Variants in SH3GLB2 observed in about 807,000 individuals in gnomAD.
SH3GLB2 encodes endophilin-B2.
Under a neutral mutation model 48.0 loss-of-function variants are expected in SH3GLB2, and 24 were observed. That is an observed-to-expected ratio of 0.50 (90% CI 0.36 to 0.70). SH3GLB2 has a LOEUF of 0.70. SH3GLB2 is among the 30% of genes least tolerant of loss of function. The probability of loss-of-function intolerance (pLI) is 0.00; values close to 1 mark genes in which losing one functional copy is unlikely to be tolerated. For synonymous variants in SH3GLB2, 227 were observed against 207.6 expected (o/e 1.09, Z -0.80); for missense variants, 425 against 516.0 (o/e 0.82, Z 1.71).
In SH3GLB2 at chr9:129,014,585, G is replaced by C; in HGVS notation, c.469-82C>G. On this transcript the variant is annotated intron_variant, in intron 4 of 10. Transcript: ENST00000372564. This position sits in a 1 kb window ranked among gnomAD's most constrained non-coding sequence, Gnocchi z 4.1. ...CCATGCATGGCAAGATTGGTGCCGGGGACGATCAAGTCAAGATAGGGAAAC... is the reference window on the plus strand; with the variant it reads ...CCATGCATGGCAAGATTGGTGCCGGCGACGATCAAGTCAAGATAGGGAAAC... 1 of 1,496,734 alleles carries C rather than the reference G, an allele frequency of 6.7e-7. No homozygotes were observed. Among genetic ancestry groups the C allele is most frequent in the Non-Finnish European group, 9.1e-7 (1 of 1,095,754 alleles). The allele number at this position is 1,496,734 out of a possible 1,614,324, so 92.7% of individuals were successfully genotyped here.
At chr9:129,025,235 C>A (rs1844077204) in intron 1 of SH3GLB2, among the ~76,000 whole-genome samples, 1 of 137,958 alleles carries the variant, frequency 7.2e-6, no homozygotes, top group East Asian at 2.1e-4. Flanking sequence ...GAGACTGCGC[C>A]AGCCTGCGTG....
rs2131256716 is a variant in SH3GLB2, at chr9:129,014,807, C to T, written c.432G>A (p.Leu144=). 1.2e-6 allele frequency: 2 copies of T among 1,613,850 alleles called. No individual in the cohort carries two copies. The highest frequency in any genetic ancestry group is 1.7e-6 in the Non-Finnish European group (2 of 1,179,972). ...TCCAGTCCCCCTCCAGGAAGTTGCG[C>T]AAGGGTGTGAGGAAGCTGATGGAGG... is the stretch of plus-strand genomic sequence containing the variant. ...HTASISFLTP[L]RNFLEGDWKT... The change falls in exon 4 of 11, where the codon TTG becomes TTA. Residue 144 remains leucine (L), a synonymous_variant. Coordinates refer to ENST00000372564, the MANE Select transcript of SH3GLB2 (RefSeq NM_020145.4). The surrounding 1 kb of genome is among the most constrained non-coding windows in gnomAD (Gnocchi z 4.1).
intron 3 of SH3GLB2, among the ~76,000 whole-genome samples, chr9:129,017,132 T>C (rs1461244007): frequency 6.6e-6 from 1 of 151,908 alleles, no homozygotes; most frequent in African/African-American, 2.4e-5. Flanking sequence ...GTATTTTTAG[T>C]AGAGACAGGA....
At chr9:129,008,844 C>A in intron 10 of SH3GLB2, 53 bp from the exon 11 acceptor site, 1 of 1,538,236 alleles carries the variant, frequency 6.5e-7, no homozygotes, top group Non-Finnish European at 9.0e-7. Flanking sequence ...GTGGAACTGG[C>A]CCCAGGACTA....
Position 129,010,179 on chromosome 9 carries a change from C to T in SH3GLB2, c.679G>A (p.Glu227Lys). The change falls in exon 8 of 11, where the codon GAG becomes AAG. Residue 227 changes from glutamate to lysine, a missense_variant. Transcript: ENST00000372564. Reference sequence around the variant, plus strand: ...GTCACTTCTGCTTGCCGGTCAAACTCTGTCTGGGCCACGCGGAGCTCCTGC... The same window carrying T: ...GTCACTTCTGCTTGCCGGTCAAACTTTGTCTGGGCCACGCGGAGCTCCTGC... ...AEQELRVAQT[E>K]FDRQAEVTRL... The T allele has an allele frequency of 1.9e-6, 3 of 1,614,012 alleles. No homozygotes were observed. Among genetic ancestry groups the T allele is most frequent in the Non-Finnish European group, 2.5e-6 (3 of 1,179,956 alleles).
chr9:129,013,429 G>A lies in SH3GLB2; in HGVS notation c.561+982C>T, dbSNP rs148572665. 628 of 249,360 alleles carry A rather than the reference G, an allele frequency of 2.5e-3. 1 individual carries two copies. The highest frequency in any genetic ancestry group is 4.5e-3 in the Middle Eastern group (3 of 664). The allele number at this position is 249,360 out of a possible 1,614,324, so 15.4% of individuals were successfully genotyped here. On this transcript the variant is annotated intron_variant, in intron 5 of 10. Transcript: ENST00000372564. The stretch of plus-strand genomic sequence containing the variant: ...GACGGTGTCTGGCCCGAAGTGACGG[G>A]GGAGACTGTCCTGTTCAGGTGCCTT...
At chr9:129,012,934 G>A in intron 5 of SH3GLB2, 1 of 1,540,998 alleles carries the variant, frequency 6.5e-7, no homozygotes, top group Non-Finnish European at 8.8e-7. Flanking sequence ...ACGTGGGCTG[G>A]CCATGGCACC....
rs767499612 is a variant in SH3GLB2 at position 129,028,142 on chromosome 9, T to C, written c.13A>G (p.Met5Val). MDFN[M>V]KKLASDAGIF... ...CCCGCGTCCGACGCCAGCTTCTTCA[T>C]GTTGAAGTCCATGGCGTGCCCGCAC... The change falls in exon 1 of 11, where the codon ATG becomes GTG. Residue 5 changes from methionine to valine, a missense_variant. Transcript: ENST00000372564. 3 of 1,492,730 alleles carry C rather than the reference T, an allele frequency of 2.0e-6. No individual in the cohort carries two copies. In the South Asian group the frequency reaches 3.8e-5, roughly 19 times the overall value. 92.5% of individuals were successfully genotyped at this position (1,492,730 alleles called of 1,614,324 possible). A position where few individuals can be genotyped will look rare whatever the true frequency, so the allele number is the denominator to read the frequency against.
At chr9:129,019,708 C>CAAA (rs1216460109) in intron 3 of SH3GLB2, among the ~76,000 whole-genome samples, 1 of 57,872 alleles carries the variant, frequency 1.7e-5, no homozygotes, top group Non-Finnish European at 3.5e-5. Flanking sequence ...GACTCTGCCT[C>CAAA]AAAAAAAAAA....
At position 129,009,880 on chromosome 9, in the gene SH3GLB2, A is replaced by T. The variant is rs1349313593; in HGVS notation, c.739-9T>A. The T allele has an allele frequency of 6.2e-7, 1 of 1,611,770 alleles. No homozygotes were observed. Among genetic ancestry groups the T allele is most frequent in the East Asian group, 2.2e-5 (1 of 44,808 alleles). On this transcript the variant is annotated splice_polypyrimidine_tract_variant and intron_variant, in intron 8 of 10. Transcript: ENST00000372564. ...CAGCGCAGGTGGTTCACCTGCGGGG[A>T]AGAGGCCAGAGGCTGACTTCTAACC...
rs1843344467 is a variant in SH3GLB2, at chr9:129,014,981, G to A, written c.335-77C>T. ...TGATCTACAGGAGAGGGCTCAGGAA[G>A]AGCTTGCTGAAGAGCAAGGGCCGGG... On this transcript the variant is annotated intron_variant, in intron 3 of 10. Transcript: ENST00000372564. The surrounding 1 kb of genome is among the most constrained non-coding windows in gnomAD (Gnocchi z 4.1). 1 of 1,543,674 alleles carries A rather than the reference G, an allele frequency of 6.5e-7. No individual in the cohort carries two copies. Among genetic ancestry groups the A allele is most frequent in the African/African-American group, 1.4e-5 (1 of 72,560 alleles).
chr9:129,018,449 T>C (rs1055955289), intron 3 of SH3GLB2, among the ~76,000 whole-genome samples: 3 of 146,748 alleles, frequency 2.0e-5, no homozygotes, highest in South Asian at 2.2e-4. Flanking sequence ...TGGTGGCGGG[T>C]GCCTGTAATC....
rs372981598 is a variant in SH3GLB2, at chr9:129,025,767, C to T, written c.63+2325G>A. 1.9e-4 allele frequency among the ~76,000 whole-genome samples: 28 copies of T among 144,668 alleles called. 1 individual carries two copies. The Middle Eastern group carries it at 0.014, about 72-fold the overall frequency. The allele number at this position is 144,668 out of a possible 152,430, so 94.9% of individuals were successfully genotyped here. A position where few individuals can be genotyped will look rare whatever the true frequency, so the allele number is the denominator to read the frequency against. On this transcript the variant is annotated intron_variant, in intron 1 of 10. Transcript: ENST00000372564. ...CCTTACCAAGGTTCAGAGCAGCACT[C>T]CCCACCCCGCCCTCCCTTACAGGCC... is the stretch of plus-strand genomic sequence containing the variant.
chr9:129,019,425 G>GC (rs1314527486), intron 3 of SH3GLB2, among the ~76,000 whole-genome samples: 1 of 151,588 alleles, frequency 6.6e-6, no homozygotes, highest in East Asian at 1.9e-4. Flanking sequence ...AATAAGTTTG[G>GC]CTGGGCGCAG....
chr9:129,021,038 G>A (rs1843761078), intron 3 of SH3GLB2, 53 bp downstream of exon 3: 1 of 1,406,186 alleles, frequency 7.1e-7, no homozygotes, highest in East Asian at 2.6e-5. Context: ...GAGGGAGGGA[G>A]AATCAGAGCT....
chr9:129,013,730 A>C, intron 5 of SH3GLB2: 1 of 208,034 alleles, frequency 4.8e-6, no homozygotes, highest in East Asian at 1.4e-4. Flanking sequence ...TCCCTCTGCA[A>C]GGTATGAGGC....
Position 129,014,450 on chromosome 9 carries a change from C to T in SH3GLB2, c.522G>A (p.Ala174=), listed in dbSNP as rs923534775. The T allele has an allele frequency of 1.7e-5, 26 of 1,550,568 alleles. No individual in the cohort carries two copies. Among genetic ancestry groups the T allele is most frequent in the African/African-American group, 4.1e-5 (3 of 73,026 alleles). ...CTGCAGCCTTGGCCTTCTTCAGCCT[C>T]GCTTTGCAGGCATCCAAGTCCAGAC... ...NRRLDLDACK[A]RLKKAKAAEA... Residue 174 remains alanine, a synonymous_variant, in exon 5 of 11, where the codon GCG becomes GCA. Coordinates refer to ENST00000372564, the MANE Select transcript of SH3GLB2 (RefSeq NM_020145.4). This position sits in a 1 kb window ranked among gnomAD's most constrained non-coding sequence, Gnocchi z 4.1.
chr9:129,013,661 C>T (rs547418301), intron 5 of SH3GLB2: 10 of 190,638 alleles, frequency 5.2e-5, no homozygotes, highest in East Asian at 1.5e-4. Context: ...TGGCCTCCCT[C>T]GGCTAATCAG....
At chr9:129,021,816 G>A (rs894927305) in intron 2 of SH3GLB2, among the ~76,000 whole-genome samples, 2 of 151,926 alleles carry the variant, frequency 1.3e-5, no homozygotes, top group African/African-American at 4.8e-5. Context: ...AAAATTAGCT[G>A]GGCGTGGTGG....
Sources: allele counts gnomAD v4.1 joint callset (sites outside exome capture counted in the v4.1 genomes callset), GRCh38; gene constraint gnomAD v4.1.1; non-coding constraint Gnocchi (gnomAD v3.1); transcripts MANE v1.5; gene names NCBI Gene and HGNC (gene_info 2026-07-23, HGNC 2026-07-21).